The following QKI variants were observed in gnomAD, a reference collection of about 807,000 sequenced individuals.
QKI encodes QKI, KH domain containing RNA binding.
QKI carries 10 observed loss-of-function variants against 39.0 expected under a neutral mutation model. That is an observed-to-expected ratio of 0.26 (90% CI 0.16 to 0.43). The LOEUF is 0.43. Among genes scored for constraint, QKI ranks in the 20% least tolerant of loss-of-function variants. QKI has a pLI of 1.00. For synonymous variants in QKI, 204 were observed against 155.4 expected (o/e 1.31, Z -2.33); for missense variants, 218 against 428.0 (o/e 0.51, Z 4.33).
At chr6:163,478,597 A>T (rs1372704717) in intron 2 of QKI, among the ~76,000 whole-genome samples, 183 bp from the exon 3 acceptor site, 3 of 152,238 alleles carry the variant, frequency 2.0e-5, no homozygotes, top group Non-Finnish European at 4.4e-5. Context: ...ATGCTAAACG[A>T]TGAGCTATTG....
intron 4 of QKI, among the ~76,000 whole-genome samples, chr6:163,552,211 T>TG: frequency 7.1e-6 from 1 of 140,644 alleles, no homozygotes; most frequent in South Asian, 2.4e-4. Flanking sequence ...TCGTTCTTTT[T>TG]TTTTTTTTTT....
intron 7 of QKI, chr6:163,567,477 A>T: frequency 1.0e-6 from 1 of 984,772 alleles, no homozygotes. Context: ...TCTGAAGGTA[A>T]ACTGTCTCTT....
intron 1 of QKI, among the ~76,000 whole-genome samples, chr6:163,434,160 A>G (rs901175046): frequency 1.2e-4 from 18 of 152,240 alleles, no homozygotes; most frequent in Middle Eastern, 3.4e-3. Context: ...GAGCCACACA[A>G]TGGCATGGAG....
At chr6:163,465,957 C>G (rs1466201926) in intron 2 of QKI, among the ~76,000 whole-genome samples, 1 of 151,366 alleles carries the variant, frequency 6.6e-6, no homozygotes, top group Non-Finnish European at 1.5e-5. Context: ...AACCCTGTCT[C>G]TACAAAAAAT....
chr6:163,531,384 T>C (rs1315429827), intron 3 of QKI, among the ~76,000 whole-genome samples: 4 of 152,300 alleles, frequency 2.6e-5, no homozygotes, highest in Non-Finnish European at 5.9e-5. Context: ...TCTGGTCTAC[T>C]GCTGGGAATT....
chr6:163,547,977 C>T (rs1781994461), intron 4 of QKI, among the ~76,000 whole-genome samples: 1 of 152,130 alleles, frequency 6.6e-6, no homozygotes, highest in Non-Finnish European at 1.5e-5. Context: ...CCTACTTTTC[C>T]AACTTTGTTT....
intron 3 of QKI, among the ~76,000 whole-genome samples, chr6:163,523,713 T>C (rs1212990544): frequency 6.6e-6 from 1 of 152,198 alleles, no homozygotes; most frequent in Non-Finnish European, 1.5e-5. Flanking sequence ...TTTTAAAAAC[T>C]GATGAAAATA....
At chr6:163,459,586 G>T (rs1020343425) in intron 2 of QKI, among the ~76,000 whole-genome samples, 1 of 152,176 alleles carries the variant, frequency 6.6e-6, no homozygotes, top group African/African-American at 2.4e-5. Context: ...TAATTGAGAT[G>T]ATCACATTGG....
At chr6:163,461,089 A>G (rs1173079543) in intron 2 of QKI, among the ~76,000 whole-genome samples, 1 of 152,198 alleles carries the variant, frequency 6.6e-6, no homozygotes, top group African/African-American at 2.4e-5. Context: ...TAGGTAGGGA[A>G]AACTTAATGT....
chr6:163,525,949 A>G (rs902744443), intron 3 of QKI, among the ~76,000 whole-genome samples: 1 of 152,154 alleles, frequency 6.6e-6, no homozygotes, highest in Non-Finnish European at 1.5e-5. Flanking sequence ...GTAAAGCCCT[A>G]TATGTTTTTT....
chr6:163,415,939 C>T (rs534974715), intron 1 of QKI: 2 of 510,548 alleles, frequency 3.9e-6, no homozygotes, highest in African/African-American at 1.9e-5. Context: ...CGTAGGAGAC[C>T]GAAATTATGC....
In QKI at chr6:163,416,066, G is replaced by A. The variant is rs936428486; in HGVS notation, c.142+731G>A. 3 of 92,062 alleles carry A rather than the reference G, an allele frequency of 3.3e-5. 1 individual carries two copies. Among genetic ancestry groups the A allele is most frequent in the South Asian group, 1.3e-4 (2 of 15,462 alleles). 5.7% of individuals were successfully genotyped at this position (92,062 alleles called of 1,614,324 possible). On this transcript the variant is annotated intron_variant, in intron 1 of 7. Transcript: ENST00000361752. ...CACTTTTCGGGGGTGGGGGGGGGGGGGGTGGAGTGCGAAATAACGCGATGA... is the reference window on the plus strand; with the variant it reads ...CACTTTTCGGGGGTGGGGGGGGGGGAGGTGGAGTGCGAAATAACGCGATGA...
At chr6:163,481,696 G>A (rs1793089098) in intron 3 of QKI, among the ~76,000 whole-genome samples, 1 of 152,134 alleles carries the variant, frequency 6.6e-6, no homozygotes, top group East Asian at 1.9e-4. Flanking sequence ...TATTATTTCA[G>A]CATTATTGAT....
intron 7 of QKI, chr6:163,567,169 T>G (rs2128251867): frequency 9.9e-7 from 1 of 1,013,134 alleles, no homozygotes; most frequent in Middle Eastern, 4.9e-4. Context: ...CAAAATGAAT[T>G]GAACGGATGG....
chr6:163,463,973 T>TG (rs1791536576), intron 2 of QKI, among the ~76,000 whole-genome samples: 1 of 152,176 alleles, frequency 6.6e-6, no homozygotes, highest in African/African-American at 2.4e-5. Context: ...CCACCAAACA[T>TG]GCTCAGCTCC....
At chr6:163,562,127 CTTTT>C in intron 5 of QKI, 58 bp downstream of exon 5, 2 of 1,319,466 alleles carry the variant, frequency 1.5e-6, no homozygotes, top group Non-Finnish European at 2.1e-6. Flanking sequence ...TGTCTACAGA[CTTTT>C]TTCCTTTTGG....
chr6:163,482,320 C>G (rs1440945091), intron 3 of QKI, among the ~76,000 whole-genome samples: 1 of 152,218 alleles, frequency 6.6e-6, no homozygotes, highest in Non-Finnish European at 1.5e-5. Flanking sequence ...GAAACTTTGA[C>G]TACCATTTCA....
At position 163,567,842 on chromosome 6, in the gene QKI, T is replaced by G. The variant is rs574171296; in HGVS notation, c.1009+1047T>G. 48 of 984,958 alleles carry G rather than the reference T, an allele frequency of 4.9e-5. No individual in the cohort carries two copies. The African/African-American group carries it at 7.1e-4, about 15-fold the overall frequency. 61.0% of individuals were successfully genotyped at this position (984,958 alleles called of 1,614,324 possible). Reference sequence around the variant, plus strand: ...GCTGGATTTGTACTTCAATTGTACATCTTCTATGAATTTATGAAGGACCTA... The same window carrying G: ...GCTGGATTTGTACTTCAATTGTACAGCTTCTATGAATTTATGAAGGACCTA... On this transcript the variant is annotated intron_variant, in intron 7 of 7. Transcript: ENST00000361752.
chr6:163,486,897 A>C (rs369319812), intron 3 of QKI, among the ~76,000 whole-genome samples: 1 of 152,242 alleles, frequency 6.6e-6, no homozygotes, highest in East Asian at 1.9e-4. Context: ...GTGATAGGAA[A>C]GTACACTTAA....
Sources: allele counts gnomAD v4.1 joint callset (sites outside exome capture counted in the v4.1 genomes callset), GRCh38; gene constraint gnomAD v4.1.1; transcripts MANE v1.5; gene names NCBI Gene and HGNC (gene_info 2026-07-23, HGNC 2026-07-21).